Variants in PANX2 observed in about 807,000 individuals in gnomAD.
PANX2 encodes the protein pannexin-2.
A neutral mutation model predicts 38.7 loss-of-function variants in PANX2; 30 were observed. The ratio of observed to expected loss-of-function variants is 0.78; its 90% CI spans 0.58 to 1.05. The LOEUF (loss-of-function observed/expected upper bound fraction) is 1.05. Ranked by LOEUF, PANX2 falls within the 50% of genes least tolerant of loss-of-function variation. PANX2 has a pLI of 0.00. For missense variants in PANX2, 880 were observed against 979.3 expected (o/e 0.90, Z 1.35); for synonymous variants, 539 against 472.1 (o/e 1.14, Z -1.84).
At position 50,179,610 on chromosome 22, in the gene PANX2, C is replaced by G; in HGVS notation, c.*333C>G. ...AGGTGAAGAGTTTATTTTTTTAGTC[C>G]GTTTCGTCCTGGCCCCGGGCTGTGG... is the stretch of plus-strand genomic sequence containing the variant. On this transcript the variant is annotated 3_prime_UTR_variant, in exon 3 of 3. Coordinates refer to ENST00000395842, the MANE Select transcript of PANX2 (RefSeq NM_052839.4). 1 of 297,494 alleles carries G rather than the reference C, an allele frequency of 3.4e-6. No individual in the cohort carries two copies. Among genetic ancestry groups the G allele is most frequent in the South Asian group, 4.0e-5 (1 of 24,974 alleles). 18.4% of individuals were successfully genotyped at this position (297,494 alleles called of 1,614,324 possible).
chr22:50,176,361 G>A (rs2147061839), intron 1 of PANX2, among the ~76,000 whole-genome samples: 1 of 152,338 alleles, frequency 6.6e-6, no homozygotes, highest in South Asian at 2.1e-4. Flanking sequence ...GGTGTCTGGT[G>A]TCCCCAGGCT....
At position 50,170,743 on chromosome 22, in the gene PANX2, C is replaced by G; in HGVS notation, c.13C>G (p.Leu5Val). The change falls in exon 1 of 3, where the codon CTG becomes GTG. Residue 5 changes from leucine (L) to valine (V), a missense_variant. Physicochemically the swap from Leu to Val is conservative, Grantham distance 32. Transcript: ENST00000395842. ...CCCCCCGCCCCCCATGCACCACCTC[C>G]TGGAGCAGTCGGCGGACATGGCGAC... The part of the protein sequence containing the change: MHHL[L>V]EQSADMATAL... 1.5e-6 allele frequency: 2 copies of G among 1,291,272 alleles called. No individual in the cohort carries two copies. The highest frequency in any genetic ancestry group is 2.1e-5 in the South Asian group (1 of 48,118). The allele number at this position is 1,291,272 out of a possible 1,614,324, so 80.0% of individuals were successfully genotyped here. A position where few individuals can be genotyped will look rare whatever the true frequency, so the allele number is the denominator to read the frequency against.
intron 1 of PANX2, among the ~76,000 whole-genome samples, chr22:50,171,437 G>A (rs2063630493): frequency 6.6e-6 from 1 of 152,182 alleles, no homozygotes; most frequent in Admixed American, 6.5e-5. Context: ...GAGAGGCCCA[G>A]GCCCTCCACC....
chr22:50,172,874 A>G (rs201040905), intron 1 of PANX2, among the ~76,000 whole-genome samples: 649 of 124,890 alleles, frequency 5.2e-3, no homozygotes, highest in South Asian at 0.029. Flanking sequence ...GACTACAGGC[A>G]CCCGCCACCA....
In PANX2 at chr22:50,175,249, C is replaced by T. The variant is rs557147073; in HGVS notation, c.227-1690C>T. On this transcript the variant is annotated intron_variant, in intron 1 of 2. Transcript: ENST00000395842. ...TCATCCACCTTGGAGGAGGCCAGGC[C>T]GCCCCCTGCCCCAGAGCCAAGGAGC... Among the ~76,000 whole-genome samples, 9 of 152,276 alleles carry T rather than the reference C, an allele frequency of 5.9e-5. No homozygotes were observed. The South Asian group carries it at 6.2e-4, about 11-fold the overall frequency.
chr22:50,178,754 G>A (rs2063680322), intron 2 of PANX2, among the ~76,000 whole-genome samples, 180 bp from the exon 3 acceptor site: 1 of 152,198 alleles, frequency 6.6e-6, no homozygotes, highest in African/African-American at 2.4e-5. Context: ...TGCGGCTCCG[G>A]GACAGTGGGG....
intron 1 of PANX2, among the ~76,000 whole-genome samples, chr22:50,173,812 C>T (rs1199881737): frequency 1.3e-5 from 2 of 152,214 alleles, no homozygotes; most frequent in Admixed American, 6.5e-5. Context: ...TCCTCAGAGC[C>T]GGCTGCGTGG....
intron 1 of PANX2, among the ~76,000 whole-genome samples, chr22:50,173,367 G>A (rs367874227): frequency 1.2e-3 from 181 of 152,360 alleles, no homozygotes; most frequent in African/African-American, 4.2e-3. Context: ...GGAAGCGAGC[G>A]CTCTGCCCCC....
At chr22:50,175,362 G>A in intron 1 of PANX2, 1 of 792,894 alleles carries the variant, frequency 1.3e-6, no homozygotes, top group Non-Finnish European at 1.8e-6. Context: ...CACATGCCCA[G>A]CAAGGGTGGC....
chr22:50,175,869 CAG>C (rs1402166689), intron 1 of PANX2, among the ~76,000 whole-genome samples: 7 of 152,382 alleles, frequency 4.6e-5, no homozygotes, highest in Admixed American at 2.6e-4. Flanking sequence ...CCAGAGTGGA[CAG>C]AGTCTCTAAT....
At chr22:50,176,304 G>A (rs1004673911) in intron 1 of PANX2, among the ~76,000 whole-genome samples, 6 of 152,208 alleles carry the variant, frequency 3.9e-5, no homozygotes, top group African/African-American at 9.6e-5. Flanking sequence ...CAATTTTAGC[G>A]GCAGATACCG....
At chr22:50,175,794 G>T (rs1197256162) in intron 1 of PANX2, among the ~76,000 whole-genome samples, 1 of 152,256 alleles carries the variant, frequency 6.6e-6, no homozygotes, top group Non-Finnish European at 1.5e-5. Flanking sequence ...GCTGAGCCGG[G>T]TTCAGGGCTG....
At chr22:50,171,877 A>G (rs2063634286) in intron 1 of PANX2, among the ~76,000 whole-genome samples, 1 of 152,142 alleles carries the variant, frequency 6.6e-6, no homozygotes. Context: ...TGCAGCCTCC[A>G]AACCTCAGCA....
rs1222768993 is a variant in PANX2 at position 50,170,943 on chromosome 22, C to T, written c.213C>T (p.Thr71=). The T allele has an allele frequency of 2.6e-6, 4 of 1,510,244 alleles. No individual in the cohort carries two copies. The highest frequency in any genetic ancestry group is 1.4e-5 in the African/African-American group (1 of 69,494). The allele number at this position is 1,510,244 out of a possible 1,614,324, so 93.6% of individuals were successfully genotyped here. ...TCCTGCTGGTCACCCTGGTCTTCAC[C>T]AAGAACTTCGCAGGTGAGGCCGGCG... The part of the protein sequence containing the change: ...VPILLVTLVF[T]KNFAEEPIYC... Residue 71 remains threonine (T), a synonymous_variant, in exon 1 of 3, where the codon ACC becomes ACT. Coordinates refer to ENST00000395842, the MANE Select transcript of PANX2 (RefSeq NM_052839.4).
At position 50,178,413 on chromosome 22, in the gene PANX2, G is replaced by T; in HGVS notation, c.1690+11G>T. On this transcript the variant is annotated intron_variant, in intron 2 of 2. Transcript: ENST00000395842. ...CGGCGCCCATCAAAGGTAGGGGCAG[G>T]GCCGGAGAGAGGGGACGGGGGACTG... 1 of 1,394,540 alleles carries T rather than the reference G, an allele frequency of 7.2e-7. No individual in the cohort carries two copies. Among genetic ancestry groups the T allele is most frequent in the Non-Finnish European group, 9.3e-7 (1 of 1,079,422 alleles). The allele number at this position is 1,394,540 out of a possible 1,614,324, so 86.4% of individuals were successfully genotyped here. A position where few individuals can be genotyped will look rare whatever the true frequency, so the allele number is the denominator to read the frequency against.
intron 1 of PANX2, among the ~76,000 whole-genome samples, chr22:50,173,495 A>C (rs116826367): frequency 1.3e-5 from 2 of 152,274 alleles, no homozygotes; most frequent in Admixed American, 1.3e-4. Flanking sequence ...CCGTGTGGCC[A>C]GCTGCTGTCT....
At chr22:50,176,146 G>T (rs984713213) in intron 1 of PANX2, among the ~76,000 whole-genome samples, 2 of 152,242 alleles carry the variant, frequency 1.3e-5, no homozygotes, top group Non-Finnish European at 2.9e-5. Flanking sequence ...CAGCCGCTCA[G>T]ACCCCACACT....
Position 50,177,715 on chromosome 22 carries a change from CA to C in PANX2, c.1004del (p.Gln335ArgfsTer96). 3.1e-6 allele frequency: 5 copies of C among 1,610,490 alleles called. No individual in the cohort carries two copies. The highest frequency in any genetic ancestry group is 4.2e-6 in the Non-Finnish European group (5 of 1,179,522). The part of the protein sequence containing the change: ...LHKVGIKTRR[Q>X]WRRSQFCDIN... ...CAAGGTGGGCATCAAGACGCGCCGG[CA>C]GTGGCGCCGCTCGCAGTTCTGCGAC... On this transcript the variant is annotated frameshift_variant, in exon 2 of 3. Coordinates refer to ENST00000395842, the MANE Select transcript of PANX2 (RefSeq NM_052839.4). LOFTEE classifies it high-confidence loss of function.
Position 50,170,742 on chromosome 22 carries a change from C to T in PANX2, c.12C>T (p.Leu4=), listed in dbSNP as rs2063624738. 1 of 1,285,568 alleles carries T rather than the reference C, an allele frequency of 7.8e-7. No individual in the cohort carries two copies. The highest frequency in any genetic ancestry group is 3.2e-5 in the East Asian group (1 of 30,772). 79.6% of individuals were successfully genotyped at this position (1,285,568 alleles called of 1,614,324 possible). The part of the protein sequence containing the change: MHH[L]LEQSADMATA... ...GCCCCCCGCCCCCCATGCACCACCT[C>T]CTGGAGCAGTCGGCGGACATGGCGA... The change falls in exon 1 of 3, where the codon CTC becomes CTT. Residue 4 remains leucine (L), a synonymous_variant. Transcript: ENST00000395842.
Sources: allele counts gnomAD v4.1 joint callset (sites outside exome capture counted in the v4.1 genomes callset), GRCh38; gene constraint gnomAD v4.1.1; transcripts MANE v1.5; gene names NCBI Gene and HGNC (gene_info 2026-07-23, HGNC 2026-07-21).